The following PCDHGA10 variants were observed in gnomAD, a reference collection of about 807,000 sequenced individuals.
The protein encoded by PCDHGA10 is protocadherin gamma-A10.
In PCDHGA10, 42 loss-of-function variants were observed where a neutral mutation model predicts 59.5. That is an observed-to-expected ratio of 0.71 (90% CI 0.55 to 0.91). The LOEUF (loss-of-function observed/expected upper bound fraction) is 0.91, where lower values mean the gene tolerates loss of function less well. Among genes scored for constraint, PCDHGA10 ranks in the 40% least tolerant of loss-of-function variants. The probability of loss-of-function intolerance (pLI) is 0.00; values close to 1 mark genes in which losing one functional copy is unlikely to be tolerated. For missense variants in PCDHGA10, 1,111 were observed against 1,198.2 expected (o/e 0.93, Z 1.07); for synonymous variants, 511 against 517.2 (o/e 0.99, Z 0.16).
At chr5:141,450,549 C>T (rs1414500813) in intron 1 of PCDHGA10, among the ~76,000 whole-genome samples, 2 of 151,756 alleles carry the variant, frequency 1.3e-5, no homozygotes, top group Non-Finnish European at 2.9e-5. Context: ...TGCAGTGGCG[C>T]AGTCTCGGCT....
chr5:141,453,545 A>T (rs2098768582), intron 1 of PCDHGA10, among the ~76,000 whole-genome samples: 1 of 151,998 alleles, frequency 6.6e-6, no homozygotes, highest in African/African-American at 2.4e-5. Flanking sequence ...TTCACACCAC[A>T]CTCTGTAGAT....
chr5:141,421,642 G>A, intron 1 of PCDHGA10: 1 of 1,613,850 alleles, frequency 6.2e-7, no homozygotes, highest in South Asian at 1.1e-5. Flanking sequence ...GGAGGACGAA[G>A]TGGAGATAAA....
intron 3 of PCDHGA10, among the ~76,000 whole-genome samples, chr5:141,510,147 C>T (rs1416633745): frequency 1.3e-5 from 2 of 151,984 alleles, no homozygotes; most frequent in Non-Finnish European, 2.9e-5. Flanking sequence ...GTGGTGTGCA[C>T]CTGTAATCTC....
In PCDHGA10 at chr5:141,477,913, T is replaced by G; in HGVS notation, c.2437-16894T>G. ...CACGGGTGGTAGGCTGGGACGCGGA[T>G]GCAGGGCACAATGCCTGGCTCTCCT... On this transcript the variant is annotated intron_variant, in intron 1 of 3. Transcript: ENST00000398610. This position sits in a 1 kb window ranked among gnomAD's most constrained non-coding sequence, Gnocchi z 4.9. 6.2e-7 allele frequency: 1 copy of G among 1,614,190 alleles called. No individual in the cohort carries two copies. Among genetic ancestry groups the G allele is most frequent in the Non-Finnish European group, 8.5e-7 (1 of 1,180,024 alleles).
rs2096370584 is a variant in PCDHGA10 at position 141,419,372 on chromosome 5, G to A, written c.2436+3761G>A. On this transcript the variant is annotated intron_variant, in intron 1 of 3. Coordinates refer to ENST00000398610, the MANE Select transcript of PCDHGA10 (RefSeq NM_018913.3). The stretch of plus-strand genomic sequence containing the variant: ...GGAGTCACGAACGCTGTCGTCCTAC[G>A]TGTCCGTGAGCGCGCAGAGCGGGGT... 2 of 1,613,728 alleles carry A rather than the reference G, an allele frequency of 1.2e-6. No homozygotes were observed. Among genetic ancestry groups the A allele is most frequent in the South Asian group, 1.1e-5 (1 of 91,088 alleles).
At chr5:141,421,060 A>C (rs1394861719) in intron 1 of PCDHGA10, 3 of 579,718 alleles carry the variant, frequency 5.2e-6, no homozygotes, top group Non-Finnish European at 8.8e-6. Context: ...TACCACACAA[A>C]GCGGAATGAG....
intron 1 of PCDHGA10, chr5:141,419,733 AGGTGCGCATGGTGCGTGCTTTG>A (rs763538035): frequency 1.1e-5 from 18 of 1,613,646 alleles, no homozygotes; most frequent in Non-Finnish European, 1.4e-5. Context: ...CGAACAGGCG[AGGTGCGCATGGTGCGTGCTTTG>A]GGTGACAAGG....
intron 2 of PCDHGA10, among the ~76,000 whole-genome samples, chr5:141,497,962 G>A (rs2099780751): frequency 6.6e-6 from 1 of 152,236 alleles, no homozygotes; most frequent in African/African-American, 2.4e-5. Context: ...TGGCCAGGCA[G>A]TGTTCTCGAT....
Position 141,437,485 on chromosome 5 carries a change from C to T in PCDHGA10, c.2436+21874C>T, listed in dbSNP as rs372023505. The stretch of plus-strand genomic sequence containing the variant: ...TATACTTTTATAGCATATTTAATCT[C>T]GTAGATCACTTTTCAATGAATTATA... On this transcript the variant is annotated intron_variant, in intron 1 of 3. Transcript: ENST00000398610. Among the ~76,000 whole-genome samples, 16 of 152,188 alleles carry T rather than the reference C, an allele frequency of 1.1e-4. No individual in the cohort carries two copies. In the East Asian group the frequency reaches 2.9e-3, roughly 28 times the overall value.
chr5:141,474,417 C>A (rs1321402346), intron 1 of PCDHGA10, among the ~76,000 whole-genome samples: 1 of 152,222 alleles, frequency 6.6e-6, no homozygotes, highest in African/African-American at 2.4e-5. Context: ...GATGCCTAGA[C>A]CATTGGTCCT....
At chr5:141,450,006 CTTT>C (rs1554136305) in intron 1 of PCDHGA10, among the ~76,000 whole-genome samples, 9 of 132,974 alleles carry the variant, frequency 6.8e-5, no homozygotes, top group Admixed American at 7.8e-5. Context: ...TGCCATGTCT[CTTT>C]TTTTTTTTTT....
chr5:141,457,701 G>A (rs1341216514), intron 1 of PCDHGA10, among the ~76,000 whole-genome samples: 1 of 152,222 alleles, frequency 6.6e-6, no homozygotes, highest in Admixed American at 6.5e-5. Context: ...TGGCTTTGAT[G>A]AAACACTGTT....
At chr5:141,415,740 GTTTTTTTTTTTTT>G (rs57426385) in intron 1 of PCDHGA10, 129 bp downstream of exon 1, 160 of 625,000 alleles carry the variant, frequency 2.6e-4, no homozygotes, top group Middle Eastern at 1.1e-3. Context: ...GTTTATTAAG[GTTTTTTTTTTTTT>G]TTTTTTTTTT....
chr5:141,430,108 G>A (rs572634913), intron 1 of PCDHGA10, among the ~76,000 whole-genome samples: 1 of 152,190 alleles, frequency 6.6e-6, no homozygotes, highest in South Asian at 2.1e-4. Context: ...AGCGTTACAT[G>A]TCAACAACCT....
Position 141,493,689 on chromosome 5 carries a change from C to A in PCDHGA10, c.2437-1118C>A, listed in dbSNP as rs2099749557. The stretch of plus-strand genomic sequence containing the variant: ...GGCAGCCCCAGAATGGTGCTGGTGA[C>A]TCCCGATACACCTGGAATGCTAGGT... On this transcript the variant is annotated intron_variant, in intron 1 of 3. Transcript: ENST00000398610. The surrounding 1 kb of genome is among the most constrained non-coding windows in gnomAD (Gnocchi z 4.3). Among the ~76,000 whole-genome samples the A allele has an allele frequency of 6.6e-6, 1 of 152,218 alleles. No homozygotes were observed. The highest frequency in any genetic ancestry group is 2.4e-5 in the African/African-American group (1 of 41,450).
intron 1 of PCDHGA10, among the ~76,000 whole-genome samples, chr5:141,462,361 T>C (rs1354253099): frequency 6.6e-6 from 1 of 152,282 alleles, no homozygotes; most frequent in Non-Finnish European, 1.5e-5. Flanking sequence ...ATACATTGTA[T>C]AGTTTCTATT....
In PCDHGA10 at chr5:141,431,940, T is replaced by G; in HGVS notation, c.2436+16329T>G. ...ATCCAAGGAAATCTGCCCTTTAAAT[T>G]AGAAAAATCTTACGGAAATTACTAT... On this transcript the variant is annotated intron_variant, in intron 1 of 3. Coordinates refer to ENST00000398610, the MANE Select transcript of PCDHGA10 (RefSeq NM_018913.3). The surrounding 1 kb of genome is among the most constrained non-coding windows in gnomAD (Gnocchi z 4.8). 2 of 1,614,132 alleles carry G rather than the reference T, an allele frequency of 1.2e-6. No homozygotes were observed. Among genetic ancestry groups the G allele is most frequent in the Non-Finnish European group, 1.7e-6 (2 of 1,179,998 alleles).
intron 1 of PCDHGA10, among the ~76,000 whole-genome samples, chr5:141,475,380 T>A (rs2099362720): frequency 6.6e-6 from 1 of 152,244 alleles, no homozygotes; most frequent in South Asian, 2.1e-4. Flanking sequence ...TACTTTTAAA[T>A]TTTATAAGCC....
intron 1 of PCDHGA10, chr5:141,422,865 C>G: frequency 1.2e-6 from 2 of 1,614,244 alleles, no homozygotes; most frequent in Non-Finnish European, 1.7e-6. Context: ...TCAGCAGCAA[C>G]GTGTCGCTGA....
Sources: allele counts gnomAD v4.1 joint callset (sites outside exome capture counted in the v4.1 genomes callset), GRCh38; gene constraint gnomAD v4.1.1; non-coding constraint Gnocchi (gnomAD v3.1); transcripts MANE v1.5; gene names NCBI Gene and HGNC (gene_info 2026-07-23, HGNC 2026-07-21).